Variants in COL19A1 observed in about 807,000 individuals in gnomAD.
The protein encoded by COL19A1 is collagen type XIX alpha 1 chain.
A neutral mutation model predicts 190.2 loss-of-function variants in COL19A1; 159 were observed. The observed-to-expected ratio is 0.84, with a 90% CI of 0.73 to 0.95. The LOEUF (loss-of-function observed/expected upper bound fraction) is 0.95. Among genes scored for constraint, COL19A1 ranks in the 40% least tolerant of loss-of-function variants. The pLI, the probability that COL19A1 is intolerant of heterozygous loss-of-function variation, is 0.00. For synonymous variants in COL19A1, 509 were observed against 458.9 expected, an observed-to-expected ratio of 1.11 and a Z score of -1.39; for missense variants, 1,418 against 1,431.9, an observed-to-expected ratio of 0.99 and a Z score of 0.16.
intron 15 of COL19A1, among the ~76,000 whole-genome samples, chr6:70,097,734 G>A (rs1413650304): frequency 1.3e-5 from 2 of 152,088 alleles, no homozygotes; most frequent in Non-Finnish European, 2.9e-5. Flanking sequence ...GTAAATCTGT[G>A]TTTTGCTCTT....
chr6:70,108,330 A>C (rs1186054255), intron 16 of COL19A1, among the ~76,000 whole-genome samples: 1 of 151,196 alleles, frequency 6.6e-6, no homozygotes, highest in Admixed American at 6.6e-5. Flanking sequence ...GCATTGTTTC[A>C]TTATTGCAGT....
At chr6:69,932,541 T>A (rs2150015563) in intron 6 of COL19A1, among the ~76,000 whole-genome samples, 1 of 152,182 alleles carries the variant, frequency 6.6e-6, no homozygotes, top group African/African-American at 2.4e-5. Flanking sequence ...TAGCCAAGGT[T>A]TGCAATTGCT....
In COL19A1 at chr6:69,932,877, C is replaced by G; in HGVS notation, c.747+14C>G. ...TCAGATACTAAGGTAAGTTAATTTT[C>G]TTTGCATATGAAGAATGAAGAACGC... On this transcript the variant is annotated intron_variant, in intron 7 of 50. Coordinates refer to ENST00000620364, the MANE Select transcript of COL19A1 (RefSeq NM_001858.6). 6.4e-7 allele frequency: 1 copy of G among 1,552,788 alleles called. No homozygotes were observed. Among genetic ancestry groups the G allele is most frequent in the Non-Finnish European group, 8.8e-7 (1 of 1,130,146 alleles).
intron 11 of COL19A1, among the ~76,000 whole-genome samples, chr6:70,016,366 TA>T (rs752043571): frequency 0.11 from 4,083 of 37,650 alleles, 129 homozygotes; most frequent in African/African-American, 0.14. Flanking sequence ...TAGAGTATAA[TA>T]AAAAAAAAAA....
At chr6:70,005,034 G>A (rs890007150) in intron 11 of COL19A1, among the ~76,000 whole-genome samples, 2 of 151,976 alleles carry the variant, frequency 1.3e-5, no homozygotes, top group African/African-American at 2.4e-5. Flanking sequence ...GGGTTTCACT[G>A]TGTTAGCCAG....
intron 15 of COL19A1, among the ~76,000 whole-genome samples, chr6:70,092,866 A>G (rs1428408925): frequency 6.6e-6 from 1 of 152,158 alleles, no homozygotes; most frequent in East Asian, 1.9e-4. Context: ...AAATATTACT[A>G]ATGATTATTT....
At chr6:70,107,283 C>G (rs1161580296) in intron 16 of COL19A1, among the ~76,000 whole-genome samples, 1 of 152,172 alleles carries the variant, frequency 6.6e-6, no homozygotes, top group Non-Finnish European at 1.5e-5. Flanking sequence ...CAATCAATGG[C>G]ACTATCCTGA....
chr6:70,034,325 A>T (rs1421006849), intron 13 of COL19A1, 27 bp downstream of exon 13: 1 of 1,589,746 alleles, frequency 6.3e-7, no homozygotes, highest in Non-Finnish European at 8.6e-7. Context: ...GCCAAGCCCA[A>T]CCTTTCTTTA....
intron 44 of COL19A1, among the ~76,000 whole-genome samples, chr6:70,182,900 C>A (rs944305749): frequency 3.3e-5 from 5 of 152,068 alleles, no homozygotes; most frequent in Non-Finnish European, 7.4e-5. Context: ...GGAACAGGGG[C>A]AGTTCACCCT....
intron 11 of COL19A1, among the ~76,000 whole-genome samples, chr6:70,006,405 C>T (rs577793214): frequency 6.6e-6 from 1 of 152,144 alleles, no homozygotes; most frequent in Non-Finnish European, 1.5e-5. Context: ...GTGAGGGCTC[C>T]CCTGGCTCTC....
intron 31 of COL19A1, 125 bp downstream of exon 31, chr6:70,151,563 A>G (rs1787058420): frequency 1.3e-6 from 1 of 793,870 alleles, no homozygotes; most frequent in African/African-American, 1.7e-5. Context: ...ATGGCAGGAC[A>G]TCTTTAAGAT....
chr6:70,093,703 C>T (rs1264967482), intron 15 of COL19A1, among the ~76,000 whole-genome samples: 2 of 152,098 alleles, frequency 1.3e-5, no homozygotes, highest in Non-Finnish European at 1.5e-5. Context: ...TGTGAATGAT[C>T]GGGATACTCA....
chr6:70,032,611 A>T (rs924844708), intron 12 of COL19A1, among the ~76,000 whole-genome samples: 12 of 152,162 alleles, frequency 7.9e-5, no homozygotes, highest in African/African-American at 2.9e-4. Flanking sequence ...ATAATAATTT[A>T]AAAATTATTA....
chr6:69,963,360 G>A (rs991625220), intron 11 of COL19A1, among the ~76,000 whole-genome samples: 1 of 152,074 alleles, frequency 6.6e-6, no homozygotes, highest in Non-Finnish European at 1.5e-5. Context: ...TAAAAAGTAC[G>A]GACAAGGTAT....
intron 11 of COL19A1, among the ~76,000 whole-genome samples, chr6:69,998,875 A>T (rs183350361): frequency 8.5e-5 from 13 of 152,196 alleles, no homozygotes; most frequent in African/African-American, 2.9e-4. Flanking sequence ...TCTCTTTGTT[A>T]TGTACTTCAA....
chr6:70,021,514 T>C (rs988529489), intron 11 of COL19A1, among the ~76,000 whole-genome samples: 13 of 152,208 alleles, frequency 8.5e-5, no homozygotes, highest in Admixed American at 7.9e-4. Context: ...TTCTATTCAC[T>C]CTAATAACTT....
intron 14 of COL19A1, among the ~76,000 whole-genome samples, chr6:70,068,007 C>A (rs1445484587): frequency 1.3e-5 from 2 of 152,004 alleles, no homozygotes; most frequent in Non-Finnish European, 2.9e-5. Context: ...CATAATCATG[C>A]ATTTCCTTAG....
intron 49 of COL19A1, chr6:70,200,004 A>T: frequency 3.3e-6 from 1 of 300,602 alleles, no homozygotes. Context: ...AATAATATTT[A>T]TTATAACAAT....
chr6:70,183,330 T>C (rs1766303027), intron 44 of COL19A1, among the ~76,000 whole-genome samples: 1 of 152,042 alleles, frequency 6.6e-6, no homozygotes, highest in African/African-American at 2.4e-5. Flanking sequence ...GAGGAGCAAA[T>C]ACATATGAGT....
Sources: allele counts gnomAD v4.1 joint callset (sites outside exome capture counted in the v4.1 genomes callset), GRCh38; gene constraint gnomAD v4.1.1; transcripts MANE v1.5; gene names NCBI Gene and HGNC (gene_info 2026-07-23, HGNC 2026-07-21).